The following SON variants were observed in gnomAD, a reference collection of about 807,000 sequenced individuals.
The protein encoded by SON is protein SON.
A neutral mutation model predicts 173.3 loss-of-function variants in SON; 4 were observed. The ratio of observed to expected loss-of-function variants is 0.02; its 90% confidence interval spans 0.01 to 0.05. The LOEUF is 0.05. Among genes scored for constraint, SON ranks in the 10% least tolerant of loss-of-function variants. SON has a pLI of 1.00. For missense variants in SON, 2,626 were observed against 3,055.3 expected (o/e 0.86, Z 3.31); for synonymous variants, 1,190 against 1,105.9 (o/e 1.08, Z -1.51).
At position 33,552,199 on chromosome 21, in the gene SON, C is replaced by A; in HGVS notation, c.2968C>A (p.Pro990Thr). ...APRPYRLAPRPLMLASRRSMM... is the reference protein window; with the variant it reads ...APRPYRLAPRTLMLASRRSMM... ...CAGGCCATATAGGTTAGCACCTAGA[C>A]CCCTGATGTTAGCATCTAGACGTTC... is the stretch of plus-strand genomic sequence containing the variant. The change falls in exon 3 of 12, where the codon CCC becomes ACC. Residue 990 changes from proline (P) to threonine (T), a missense_variant. Pro to Thr is a conservative substitution (Grantham distance 38, BLOSUM62 -1). Around this residue, in one of 13 missense-constraint regions of SON, gnomAD observed 366 missense variants for 448.6 expected, o/e 0.82. Transcript: ENST00000356577. This position sits in a 1 kb window ranked among gnomAD's most constrained non-coding sequence, Gnocchi z 5.6. 1 of 1,614,084 alleles carries A rather than the reference C, an allele frequency of 6.2e-7. No individual in the cohort carries two copies. The highest frequency in any genetic ancestry group is 1.1e-5 in the South Asian group (1 of 91,082).
chr21:33,550,375 G>C lies in SON; in HGVS notation c.1144G>C (p.Glu382Gln). ...LQESSVASAM[E>Q]LPGPPATSMP... is the part of the protein sequence containing the mutation. ...GGAGTCGTCGGTGGCCTCAGCGATG[G>C]AGTTGCCGGGGCCACCTGCGACCTC... Residue 382 changes from glutamate (E) to glutamine (Q), a missense_variant, in exon 3 of 12, where the codon GAG becomes CAG. By Grantham distance (29) the Glu-to-Gln change is conservative. Coordinates refer to ENST00000356577, the MANE Select transcript of SON (RefSeq NM_138927.4). 1 of 1,614,126 alleles carries C rather than the reference G, an allele frequency of 6.2e-7. No homozygotes were observed. Among genetic ancestry groups the C allele is most frequent in the Non-Finnish European group, 8.5e-7 (1 of 1,180,032 alleles).
At chr21:33,574,582 T>C (rs1210136310) in intron 9 of SON, among the ~76,000 whole-genome samples, 2 of 152,232 alleles carry the variant, frequency 1.3e-5, no homozygotes, top group Admixed American at 1.3e-4. Context: ...GAAAACTTTT[T>C]GAATACTGAT....
rs748708152 is a variant in SON at position 33,553,490 on chromosome 21, T to C, written c.4259T>C (p.Leu1420Pro). 1.9e-5 allele frequency: 30 copies of C among 1,614,118 alleles called. No homozygotes were observed. In the South Asian group the frequency reaches 3.0e-4, roughly 16 times the overall value. The change falls in exon 3 of 12, where the codon CTG becomes CCG. Residue 1420 changes from leucine to proline, a missense_variant. By Grantham distance (98) the Leu-to-Pro change is moderately conservative (BLOSUM62 -3). Transcript: ENST00000356577. ...GCGCTGGAGCCTTCTGTGCCTGTTC[T>C]GGAACCAGCGGTGTCAGTCCTTCAA... ...VSALEPSVPV[L>P]EPAVSVLQPS... is the part of the protein sequence containing the mutation.
intron 8 of SON, chr21:33,572,730 G>A (rs1170284376): frequency 8.0e-6 from 4 of 500,564 alleles, no homozygotes; most frequent in African/African-American, 2.1e-5. Flanking sequence ...GATATTTTAT[G>A]TGATTGTTTT....
intron 1 of SON, among the ~76,000 whole-genome samples, chr21:33,544,824 C>T (rs1460556528): frequency 1.3e-5 from 2 of 152,112 alleles, no homozygotes; most frequent in Non-Finnish European, 2.9e-5. Flanking sequence ...TTCTGATTTT[C>T]AAATTTGTCA....
chr21:33,557,367 G>A (rs934958974), intron 4 of SON, 51 bp downstream of exon 4: 4 of 1,595,508 alleles, frequency 2.5e-6, no homozygotes, highest in African/African-American at 2.7e-5. Context: ...TTCCAGTGAT[G>A]TTGACTCTGG....
chr21:33,571,207 A>G (rs1569068628), intron 8 of SON, among the ~76,000 whole-genome samples: 1 of 152,228 alleles, frequency 6.6e-6, no homozygotes, highest in Non-Finnish European at 1.5e-5. Flanking sequence ...AGAATATTTG[A>G]TGCTAGTATC....
chr21:33,557,145 T>C lies in SON; in HGVS notation c.6161-11T>C, dbSNP rs1374288290. On this transcript the variant is annotated splice_polypyrimidine_tract_variant and intron_variant, in intron 3 of 11. Coordinates refer to ENST00000356577, the MANE Select transcript of SON (RefSeq NM_138927.4). ...TTAGGAAAACTGCAGCTTGTATTTT[T>C]CTTCTTACAGATAAGGCTCAATTAC... 2 of 1,600,908 alleles carry C rather than the reference T, an allele frequency of 1.2e-6. No individual in the cohort carries two copies. The highest frequency in any genetic ancestry group is 2.7e-5 in the African/African-American group (2 of 73,454).
Position 33,552,653 on chromosome 21 carries a change from C to G in SON, c.3422C>G (p.Thr1141Arg). 1 of 1,614,122 alleles carries G rather than the reference C, an allele frequency of 6.2e-7. No homozygotes were observed. The highest frequency in any genetic ancestry group is 8.5e-7 in the Non-Finnish European group (1 of 1,180,020). ...ACCGATTCTTACACTGACACATATA[C>G]AGAGGCATATATGGTGCCACCTTTG... ...SYTDSYTDTY[T>R]EAYMVPPLPP... Residue 1141 changes from threonine to arginine, a missense_variant, in exon 3 of 12, where the codon ACA (threonine) becomes AGA (arginine). This residue lies in a region of SON where 366 missense variants were observed against 448.6 expected (regional missense o/e 0.82). Transcript: ENST00000356577. The surrounding 1 kb of genome is among the most constrained non-coding windows in gnomAD (Gnocchi z 5.6).
rs1162519630 is a variant in SON, at chr21:33,569,576, T to C, written c.6885+489T>C. The C allele has an allele frequency of 1.1e-5, 5 of 460,150 alleles. No individual in the cohort carries two copies. In the East Asian group the frequency reaches 3.8e-4, roughly 35 times the overall value. The allele number at this position is 460,150 out of a possible 1,614,324, so 28.5% of individuals were successfully genotyped here. A position where few individuals can be genotyped will look rare whatever the true frequency, so the allele number is the denominator to read the frequency against. Reference sequence around the variant, plus strand: ...CCTCGCACCCCACCCGCTTCATTAGTGCCTGTGCCTTCTTGTAAGATCTCT... The same window carrying C: ...CCTCGCACCCCACCCGCTTCATTAGCGCCTGTGCCTTCTTGTAAGATCTCT... On this transcript the variant is annotated intron_variant, in intron 8 of 11. Coordinates refer to ENST00000356577, the MANE Select transcript of SON (RefSeq NM_138927.4).
In SON at chr21:33,553,870, C is replaced by A. The variant is rs2085883482; in HGVS notation, c.4639C>A (p.His1547Asn). The A allele has an allele frequency of 1.2e-6, 2 of 1,613,846 alleles. No individual in the cohort carries two copies. Among genetic ancestry groups the A allele is most frequent in the East Asian group, 2.2e-5 (1 of 44,896 alleles). The change falls in exon 3 of 12, where the codon CAT becomes AAT. Residue 1547 changes from histidine (H) to asparagine (N), a missense_variant. His to Asn is a moderately conservative substitution (Grantham distance 68). This residue lies in a region of SON where 1,006 missense variants were observed against 895.6 expected (regional missense o/e 1.12). Transcript: ENST00000356577. ...NNHLIAKEME[H>N]NTVCAAGTSP... ...TCATTTAATTGCTAAAGAGATGGAACATAATACAGTGTGTGCTGCTGGTAC... is the reference window on the plus strand; with the variant it reads ...TCATTTAATTGCTAAAGAGATGGAAAATAATACAGTGTGTGCTGCTGGTAC...
rs766405997 is a variant in SON, at chr21:33,553,815, T to C, written c.4584T>C (p.His1528=). ...AAGGTGACTTTTACGAAAGTGAACA[T>C]GGTATAAATATAGACCTTAATATAA... The part of the protein sequence containing the change: ...HLKGDFYESE[H]GINIDLNINN... The change falls in exon 3 of 12, where the codon CAT becomes CAC. Residue 1528 remains histidine, a synonymous_variant. Coordinates refer to ENST00000356577, the MANE Select transcript of SON (RefSeq NM_138927.4). The C allele has an allele frequency of 3.0e-5, 48 of 1,613,914 alleles. No homozygotes were observed. Among genetic ancestry groups the C allele is most frequent in the Non-Finnish European group, 4.0e-5 (47 of 1,179,964 alleles).
Position 33,551,202 on chromosome 21 carries a change from T to G in SON, c.1971T>G (p.Ser657=). 1.9e-6 allele frequency: 3 copies of G among 1,614,108 alleles called. No homozygotes were observed. In the South Asian group the frequency reaches 3.3e-5, roughly 18 times the overall value. Residue 657 remains serine, a synonymous_variant, in exon 3 of 12, where the codon TCT becomes TCG. Coordinates refer to ENST00000356577, the MANE Select transcript of SON (RefSeq NM_138927.4). The part of the protein sequence containing the change: ...ATVALEISVQ[S]VVTTSELSTM... ...TGGCGCTGGAGATCTCTGTTCAGTC[T>G]GTGGTGACAACATCGGAGCTGTCAA...
At position 33,550,407 on chromosome 21, in the gene SON, G is replaced by A. The variant is rs769533513; in HGVS notation, c.1176G>A (p.Pro392=). 8 of 1,613,764 alleles carry A rather than the reference G, an allele frequency of 5.0e-6. No homozygotes were observed. In the Admixed American group the frequency reaches 6.7e-5, roughly 13 times the overall value. The change falls in exon 3 of 12, where the codon CCG becomes CCA. Residue 392 remains proline (P), a synonymous_variant. Transcript: ENST00000356577. ...CGGGGCCACCTGCGACCTCCATGCC[G>A]GAGTTGCAGGGGCCCCCTGTGACTC... ...ELPGPPATSM[P]ELQGPPVTPV...
Position 33,553,346 on chromosome 21 carries a change from C to T in SON, c.4115C>T (p.Thr1372Ile), listed in dbSNP as rs143515804. 8 of 1,586,060 alleles carry T rather than the reference C, an allele frequency of 5.0e-6. No individual in the cohort carries two copies. Among genetic ancestry groups the T allele is most frequent in the Non-Finnish European group, 6.9e-6 (8 of 1,157,434 alleles). ...GCTGTGACCGTCCTGGAGTCTTCGA[C>T]TGTGACTGTCCTGGAGTCTTCGACT... ...SSAVTVLESS[T>I]VTVLESSTVT... Residue 1372 changes from threonine to isoleucine, a missense_variant, in exon 3 of 12, where the codon ACT becomes ATT. Thr to Ile is a moderately conservative substitution (Grantham distance 89, BLOSUM62 -1). Around this residue, in one of 13 missense-constraint regions of SON, gnomAD observed 1,006 missense variants for 895.6 expected, o/e 1.12. Transcript: ENST00000356577.
intron 7 of SON, among the ~76,000 whole-genome samples, chr21:33,568,113 T>C (rs1220335203): frequency 2.0e-5 from 3 of 152,242 alleles, no homozygotes; most frequent in Non-Finnish European, 2.9e-5. Flanking sequence ...GCAAGGTGTT[T>C]AGTAAATCTA....
chr21:33,545,326 A>G (rs2085589598), intron 1 of SON, among the ~76,000 whole-genome samples: 1 of 152,188 alleles, frequency 6.6e-6, no homozygotes, highest in South Asian at 2.1e-4. Flanking sequence ...GATGTTCCTT[A>G]ATAATAATTA....
chr21:33,564,721 G>A (rs1204381241), intron 6 of SON, among the ~76,000 whole-genome samples: 1 of 152,008 alleles, frequency 6.6e-6, no homozygotes, highest in Non-Finnish European at 1.5e-5. Flanking sequence ...TTAGCCGGGG[G>A]TGGCAGCGCA....
At chr21:33,574,995 A>AT (rs949714846) in intron 9 of SON, among the ~76,000 whole-genome samples, 5 of 152,000 alleles carry the variant, frequency 3.3e-5, no homozygotes, top group African/African-American at 9.7e-5. Flanking sequence ...ACTGAAGCTT[A>AT]TTTTTTTAAG....
Sources: allele counts gnomAD v4.1 joint callset (sites outside exome capture counted in the v4.1 genomes callset), GRCh38; gene constraint gnomAD v4.1.1; regional missense constraint gnomAD v4.1.1; non-coding constraint Gnocchi (gnomAD v3.1); transcripts MANE v1.5; gene names NCBI Gene and HGNC (gene_info 2026-07-23, HGNC 2026-07-21).